NAMPT: variants seen among roughly 807,000 people sequenced by gnomAD.
NAMPT encodes the protein NAmPRTase.
Under a neutral mutation model 58.7 loss-of-function variants are expected in NAMPT, and 7 were observed. The ratio of observed to expected loss-of-function variants is 0.12; its 90% confidence interval spans 0.07 to 0.22. The LOEUF (loss-of-function observed/expected upper bound fraction) is 0.22. NAMPT is among the 10% of genes least tolerant of loss of function. The pLI, the probability that NAMPT is intolerant of heterozygous loss-of-function variation, is 1.00. For missense variants in NAMPT, 271 were observed against 567.9 expected (o/e 0.48, Z 5.31); for synonymous variants, 145 against 198.1 (o/e 0.73, Z 2.25).
At chr7:106,285,367 G>GC (rs1013417907), upstream of NAMPT, 2 of 430,766 alleles carry the variant, frequency 4.6e-6, no homozygotes, top group African/African-American at 4.3e-5. Flanking sequence ...CCTGGAGGGG[G>GC]CGTTCCCAGC....
intron 3 of NAMPT, among the ~76,000 whole-genome samples, chr7:106,273,092 T>C (rs1792568426): frequency 6.6e-6 from 1 of 152,180 alleles, no homozygotes; most frequent in South Asian, 2.1e-4. Flanking sequence ...AGATAAAGGA[T>C]TGCTATTAAA....
Position 106,248,340 on chromosome 7 carries a change from A to T in NAMPT, c.*2743T>A, listed in dbSNP as rs1391247854. On this transcript the variant is annotated 3_prime_UTR_variant, in exon 11 of 11. Coordinates refer to ENST00000222553, the MANE Select transcript of NAMPT (RefSeq NM_005746.3). Reference sequence around the variant, plus strand: ...ATTTCCATGTTTATTACATGTTTATAACTTGATGTTGAGTACATATTAGAA... The same window carrying T: ...ATTTCCATGTTTATTACATGTTTATTACTTGATGTTGAGTACATATTAGAA... The T allele has an allele frequency of 3.3e-5, 5 of 152,674 alleles. No homozygotes were observed. Among genetic ancestry groups the T allele is most frequent in the Middle Eastern group, 6.8e-3 (2 of 294 alleles). 9.5% of individuals were successfully genotyped at this position (152,674 alleles called of 1,614,324 possible). A position where few individuals can be genotyped will look rare whatever the true frequency, so the allele number is the denominator to read the frequency against.
intron 1 of NAMPT, among the ~76,000 whole-genome samples, chr7:106,281,123 G>C (rs1043182258): frequency 6.6e-6 from 1 of 150,410 alleles, no homozygotes; most frequent in Admixed American, 6.7e-5. Flanking sequence ...GTCAAATGAT[G>C]GACAGCTGTT....
At chr7:106,268,434 T>C in intron 6 of NAMPT, 30 bp downstream of exon 6, 1 of 1,589,302 alleles carries the variant, frequency 6.3e-7, no homozygotes, top group Non-Finnish European at 8.6e-7. Flanking sequence ...AAAAAATTAG[T>C]AGTTTTAAAA....
intron 8 of NAMPT, among the ~76,000 whole-genome samples, chr7:106,260,769 G>C (rs1792288305): frequency 6.6e-6 from 1 of 152,192 alleles, no homozygotes; most frequent in Non-Finnish European, 1.5e-5. Context: ...TCAGGGCATA[G>C]GGAAACTTGA....
intron 7 of NAMPT, among the ~76,000 whole-genome samples, chr7:106,262,928 C>T (rs1160247300): frequency 6.6e-6 from 1 of 152,012 alleles, no homozygotes; most frequent in Non-Finnish European, 1.5e-5. Flanking sequence ...AGTAACACTG[C>T]TACATTATGA....
At chr7:106,259,430 A>G (rs1792264430) in intron 8 of NAMPT, among the ~76,000 whole-genome samples, 1 of 151,988 alleles carries the variant, frequency 6.6e-6, no homozygotes, top group Non-Finnish European at 1.5e-5. Flanking sequence ...TTAAGAATAT[A>G]TTTCTTCTTT....
At chr7:106,271,320 CTTAT>C (rs1320779084) in intron 4 of NAMPT, among the ~76,000 whole-genome samples, 8 of 152,154 alleles carry the variant, frequency 5.3e-5, no homozygotes, top group Non-Finnish European at 1.2e-4. Flanking sequence ...TTATTAAAAG[CTTAT>C]TTATTTTCCA....
At chr7:106,274,790 G>A (rs1022275718) in intron 3 of NAMPT, among the ~76,000 whole-genome samples, 156 bp downstream of exon 3, 15 of 152,220 alleles carry the variant, frequency 9.9e-5, no homozygotes, top group Non-Finnish European at 1.6e-4. Context: ...AGGAAGCAGA[G>A]GTTGCAGTGA....
At chr7:106,266,690 C>T (rs1792418167) in intron 6 of NAMPT, among the ~76,000 whole-genome samples, 1 of 152,176 alleles carries the variant, frequency 6.6e-6, no homozygotes, top group African/African-American at 2.4e-5. Context: ...GACTTCATTA[C>T]CTTAAGACTG....
intron 1 of NAMPT, among the ~76,000 whole-genome samples, chr7:106,280,537 C>A (rs900522886): frequency 2.0e-5 from 3 of 151,976 alleles, no homozygotes; most frequent in Admixed American, 1.3e-4. Context: ...AGATGTAAAC[C>A]AAACAAAATA....
chr7:106,283,321 TTAAAG>T (rs1309535169), intron 1 of NAMPT, among the ~76,000 whole-genome samples: 11 of 152,250 alleles, frequency 7.2e-5, no homozygotes, highest in African/African-American at 1.9e-4. Flanking sequence ...AAAACTGATG[TTAAAG>T]TAATTTTACA....
In NAMPT at chr7:106,278,946, T is replaced by C. The variant is rs552800987; in HGVS notation, c.58-1767A>G. ...CAGGTACTTAATGATGCATTCTTTA[T>C]CAGATTTAAAATTACTAGAAGGCAA... On this transcript the variant is annotated intron_variant, in intron 1 of 10. Transcript: ENST00000222553. Among the ~76,000 whole-genome samples, 114 of 152,336 alleles carry C rather than the reference T, an allele frequency of 7.5e-4. No homozygotes were observed. In the South Asian group the frequency reaches 0.01, roughly 14 times the overall value.
At chr7:106,276,282 C>T (rs960963689) in intron 2 of NAMPT, 2 of 152,060 alleles carry the variant, frequency 1.3e-5, no homozygotes, top group African/African-American at 4.8e-5. Context: ...CTGTTTTCCC[C>T]CTAGAAATGG....
At chr7:106,270,299 G>T (rs1264180288) in intron 4 of NAMPT, 2 of 421,314 alleles carry the variant, frequency 4.7e-6, no homozygotes, top group Admixed American at 2.7e-5. Flanking sequence ...AAATCTGTTT[G>T]AAAAAGAGCT....
intron 8 of NAMPT, among the ~76,000 whole-genome samples, chr7:106,258,133 T>A (rs539703437): frequency 3.0e-3 from 457 of 152,312 alleles, no homozygotes; most frequent in Non-Finnish European, 4.5e-3. Flanking sequence ...CAACACCAAA[T>A]GTCTTAGCTG....
intron 1 of NAMPT, among the ~76,000 whole-genome samples, chr7:106,277,398 A>T (rs149604985): frequency 6.6e-6 from 1 of 152,324 alleles, no homozygotes; most frequent in African/African-American, 2.4e-5. Flanking sequence ...TTTTACATAC[A>T]AGCACACTAA....
At chr7:106,252,963 T>C (rs1792129404) in intron 10 of NAMPT, 54 bp downstream of exon 10, 5 of 1,572,238 alleles carry the variant, frequency 3.2e-6, no homozygotes, top group Non-Finnish European at 4.3e-6. Flanking sequence ...TTCTTATTAA[T>C]TTGGTGAGCC....
At chr7:106,251,826 C>T (rs1792109300) in intron 10 of NAMPT, among the ~76,000 whole-genome samples, 1 of 152,202 alleles carries the variant, frequency 6.6e-6, no homozygotes, top group South Asian at 2.1e-4. Flanking sequence ...GTAGCAAAGA[C>T]AGATTGAAGA....
Sources: allele counts gnomAD v4.1 joint callset (sites outside exome capture counted in the v4.1 genomes callset), GRCh38; gene constraint gnomAD v4.1.1; transcripts MANE v1.5; gene names NCBI Gene and HGNC (gene_info 2026-07-23, HGNC 2026-07-21).